The following NRG3 variants were observed in gnomAD, a reference collection of about 807,000 sequenced individuals.
The protein encoded by NRG3 is neuregulin 3.
In NRG3, 31 loss-of-function variants were observed where a neutral mutation model predicts 66.9. That is an observed-to-expected ratio of 0.46 (90% CI 0.35 to 0.63). The LOEUF (loss-of-function observed/expected upper bound fraction) is 0.63, where lower values mean the gene tolerates loss of function less well. Ranked by LOEUF, NRG3 falls within the 20% of genes least tolerant of loss-of-function variation. NRG3 has a pLI of 0.00. For missense variants in NRG3, 910 were observed against 878.9 expected, an observed-to-expected ratio of 1.04 and a Z score of -0.45; for synonymous variants, 393 against 359.4, an observed-to-expected ratio of 1.09 and a Z score of -1.06.
intron 1 of NRG3, among the ~76,000 whole-genome samples, chr10:82,083,620 A>T: frequency 7.1e-6 from 1 of 141,732 alleles, no homozygotes. Flanking sequence ...TTTTTGAGAC[A>T]GAGTTTCGCT....
At chr10:82,010,125 C>T (rs12250376) in intron 1 of NRG3, among the ~76,000 whole-genome samples, 1,793 of 152,136 alleles carry the variant, frequency 0.012, 40 homozygotes, top group African/African-American at 0.041. Context: ...ATTGAGCACA[C>T]GGTGAAGGAA....
chr10:82,922,192 C>G (rs576263678), intron 4 of NRG3, among the ~76,000 whole-genome samples: 1 of 152,050 alleles, frequency 6.6e-6, no homozygotes, highest in Non-Finnish European at 1.5e-5. Flanking sequence ...TATTTTTTAA[C>G]CAAGCCCTAT....
chr10:82,727,270 A>G lies in NRG3; in HGVS notation c.954-11307A>G, dbSNP rs533848998. 1.4e-4 allele frequency among the ~76,000 whole-genome samples: 22 copies of G among 152,328 alleles called. 1 individual carries two copies. The South Asian group carries it at 3.3e-3, about 23-fold the overall frequency. The stretch of plus-strand genomic sequence containing the variant: ...CCAAGACAATGGGGAAAATGTCTCC[A>G]AGGTATGTCGGAGATCTTCACGGCA... On this transcript the variant is annotated intron_variant, in intron 2 of 8. Transcript: ENST00000372141.
At chr10:82,376,661 C>T (rs1475772919) in intron 2 of NRG3, among the ~76,000 whole-genome samples, 1 of 152,194 alleles carries the variant, frequency 6.6e-6, no homozygotes, top group Non-Finnish European at 1.5e-5. Flanking sequence ...TGGCATATTT[C>T]CCCATGGCTA....
intron 1 of NRG3, among the ~76,000 whole-genome samples, chr10:82,319,412 A>G (rs1175195982): frequency 6.6e-6 from 1 of 152,230 alleles, no homozygotes; most frequent in African/African-American, 2.4e-5. Context: ...AACTTTCGGA[A>G]GCCTAAATTC....
intron 2 of NRG3, among the ~76,000 whole-genome samples, chr10:82,450,999 C>G (rs1184458583): frequency 6.6e-6 from 1 of 152,126 alleles, no homozygotes; most frequent in African/African-American, 2.4e-5. Context: ...TTATCATCTA[C>G]GTTAACTGCT....
intron 4 of NRG3, among the ~76,000 whole-genome samples, chr10:82,944,709 T>C (rs2132296122): frequency 6.6e-6 from 1 of 152,334 alleles, no homozygotes; most frequent in East Asian, 1.9e-4. Context: ...AGGTTTACTT[T>C]CTGTTTTCTA....
At chr10:81,882,801 A>G (rs1842298979) in intron 1 of NRG3, among the ~76,000 whole-genome samples, 1 of 152,052 alleles carries the variant, frequency 6.6e-6, no homozygotes, top group Non-Finnish European at 1.5e-5. Context: ...GGTTTTTCTT[A>G]TATTCCTCTC....
intron 1 of NRG3, among the ~76,000 whole-genome samples, chr10:82,267,427 C>G (rs1230059912): frequency 6.6e-6 from 1 of 152,134 alleles, no homozygotes; most frequent in Non-Finnish European, 1.5e-5. Context: ...TGGCAGGTCT[C>G]AAGAAAGGAA....
intron 5 of NRG3, among the ~76,000 whole-genome samples, chr10:82,958,405 C>G (rs1171203085): frequency 1.3e-5 from 2 of 152,104 alleles, no homozygotes; most frequent in African/African-American, 4.8e-5. Context: ...ATAACTAGCT[C>G]TTTAAGAGTT....
chr10:82,895,521 C>T lies in NRG3; in HGVS notation c.1054+30084C>T, dbSNP rs537355008. ...TTTTTTTTGAGACAGAGTCTCGTCT[C>T]GCTCTGTCACCCAGGCTGGAGTGCA... On this transcript the variant is annotated intron_variant, in intron 4 of 8. Coordinates refer to ENST00000372141, the MANE Select transcript of NRG3 (RefSeq NM_001010848.4). Among the ~76,000 whole-genome samples the T allele has an allele frequency of 5.0e-5, 7 of 138,778 alleles. 1 individual carries two copies. The highest frequency in any genetic ancestry group is 4.5e-4 in the South Asian group (2 of 4,412). 91.0% of individuals were successfully genotyped at this position (138,778 alleles called of 152,430 possible). A position where few individuals can be genotyped will look rare whatever the true frequency, so the allele number is the denominator to read the frequency against.
chr10:82,768,982 G>C (rs889149390), intron 3 of NRG3, among the ~76,000 whole-genome samples: 3 of 152,062 alleles, frequency 2.0e-5, no homozygotes, highest in African/African-American at 7.2e-5. Flanking sequence ...GCTTTAAGAA[G>C]CAATTACTAA....
chr10:82,339,432 C>A (rs1041715253), intron 1 of NRG3, among the ~76,000 whole-genome samples: 1 of 152,078 alleles, frequency 6.6e-6, no homozygotes, highest in Non-Finnish European at 1.5e-5. Flanking sequence ...TGAGGGCCAG[C>A]AGAAGAAACG....
chr10:82,132,334 G>T (rs566917565), intron 1 of NRG3, among the ~76,000 whole-genome samples: 2 of 149,932 alleles, frequency 1.3e-5, no homozygotes, highest in African/African-American at 4.9e-5. Context: ...TGATGTTATC[G>T]TGTTGATTGA....
intron 3 of NRG3, among the ~76,000 whole-genome samples, chr10:82,746,523 C>T (rs1391526401): frequency 6.6e-6 from 1 of 152,172 alleles, no homozygotes; most frequent in Non-Finnish European, 1.5e-5. Context: ...ATTCAGGAGC[C>T]TCTGTCACCA....
intron 1 of NRG3, among the ~76,000 whole-genome samples, chr10:82,058,809 A>G (rs993938855): frequency 4.7e-4 from 71 of 152,134 alleles, no homozygotes; most frequent in Non-Finnish European, 1.0e-4. Context: ...ACAACTGAAG[A>G]GGCAGTTCTT....
intron 1 of NRG3, among the ~76,000 whole-genome samples, chr10:82,137,310 G>A (rs761434560): frequency 2.6e-5 from 4 of 152,114 alleles, no homozygotes; most frequent in East Asian, 1.9e-4. Context: ...GTTGTGAGAC[G>A]ATAAAAATGT....
chr10:82,661,408 G>T (rs2052350444), intron 2 of NRG3, among the ~76,000 whole-genome samples: 1 of 151,660 alleles, frequency 6.6e-6, no homozygotes, highest in Non-Finnish European at 1.5e-5. Flanking sequence ...ATTGTAACAA[G>T]TATATATAAG....
At chr10:82,676,865 C>A (rs1264244238) in intron 2 of NRG3, among the ~76,000 whole-genome samples, 1 of 151,554 alleles carries the variant, frequency 6.6e-6, no homozygotes, top group East Asian at 1.9e-4. Flanking sequence ...TTTGGAGTTG[C>A]TTTTAAGGGG....
Sources: gnomAD v4.1 joint callset for allele counts (sites outside exome capture counted in the v4.1 genomes callset) on GRCh38, gnomAD v4.1.1 for gene constraint, MANE v1.5 for transcripts, NCBI Gene and HGNC (gene_info 2026-07-23, HGNC 2026-07-21) for gene names.